Variants in ARFGEF3 observed in about 807,000 individuals in gnomAD.
ARFGEF3 encodes brefeldin A-inhibited guanine nucleotide-exchange protein 3.
Under a neutral mutation model 221.7 loss-of-function variants are expected in ARFGEF3, and 96 were observed. That is an observed-to-expected ratio of 0.43 (90% CI 0.37 to 0.51). ARFGEF3 has a LOEUF of 0.51. Among genes scored for constraint, ARFGEF3 ranks in the 20% least tolerant of loss-of-function variants. ARFGEF3 has a pLI of 0.00. For synonymous variants in ARFGEF3, 1,145 were observed against 1,126.8 expected (o/e 1.02, Z -0.32); for missense variants, 2,410 against 2,789.9 (o/e 0.86, Z 3.07).
chr6:138,206,981 A>G (rs1777635357), intron 2 of ARFGEF3, 61 bp from the exon 3 acceptor site: 2 of 1,363,758 alleles, frequency 1.5e-6, no homozygotes, highest in Non-Finnish European at 2.1e-6. Flanking sequence ...CATAAGGCTT[A>G]CATCACTTGA....
rs112810681 is a variant in ARFGEF3, at chr6:138,242,718, C to A, written c.544-234C>A. On this transcript the variant is annotated intron_variant, in intron 6 of 33. Transcript: ENST00000251691. ...CGCCAGAGTGTCCACACAAACGTGACTGAATTATTTTGGGAACTGATAAGC... is the reference window on the plus strand; with the variant it reads ...CGCCAGAGTGTCCACACAAACGTGAATGAATTATTTTGGGAACTGATAAGC... Among the ~76,000 whole-genome samples the A allele has an allele frequency of 3.5e-4, 54 of 152,236 alleles. 1 individual carries two copies. Among genetic ancestry groups the A allele is most frequent in the African/African-American group, 1.2e-3 (51 of 41,540 alleles).
intron 2 of ARFGEF3, among the ~76,000 whole-genome samples, chr6:138,174,471 A>T (rs1582994754): frequency 3.9e-5 from 1 of 25,784 alleles, no homozygotes; most frequent in East Asian, 5.0e-4. Context: ...GCATCTGCTA[A>T]AAAAAAAAAA....
chr6:138,175,937 A>G (rs1264561521), intron 2 of ARFGEF3, among the ~76,000 whole-genome samples: 1 of 152,164 alleles, frequency 6.6e-6, no homozygotes, highest in Admixed American at 6.5e-5. Flanking sequence ...AGTGTTGGGT[A>G]CATATATATT....
At chr6:138,232,585 C>A (rs1402390460) in intron 5 of ARFGEF3, among the ~76,000 whole-genome samples, 1 of 152,158 alleles carries the variant, frequency 6.6e-6, no homozygotes, top group African/African-American at 2.4e-5. Context: ...GTCTTTGATT[C>A]TGTAGCTTGC....
At chr6:138,279,888 A>G in intron 13 of ARFGEF3, 111 bp from the exon 14 acceptor site, 1 of 1,044,476 alleles carries the variant, frequency 9.6e-7, no homozygotes, top group Non-Finnish European at 1.4e-6. Context: ...CCAATACACA[A>G]GCCTTGGTTT....
intron 31 of ARFGEF3, among the ~76,000 whole-genome samples, chr6:138,326,378 T>G (rs1412297510): frequency 6.6e-6 from 1 of 151,894 alleles, no homozygotes; most frequent in Admixed American, 6.6e-5. Context: ...AGCCCAGGAG[T>G]GCAAGACCAG....
At chr6:138,189,840 G>T (rs541187399) in intron 2 of ARFGEF3, among the ~76,000 whole-genome samples, 2 of 152,222 alleles carry the variant, frequency 1.3e-5, no homozygotes, top group African/African-American at 4.8e-5. Context: ...AGCACTTTAG[G>T]AGGCCGAGGA....
chr6:138,169,837 A>G (rs968138467), intron 1 of ARFGEF3, among the ~76,000 whole-genome samples: 2 of 152,202 alleles, frequency 1.3e-5, no homozygotes. Flanking sequence ...AGTCTCTGAT[A>G]TATGTATATA....
At chr6:138,171,770 T>G (rs1009094847) in intron 2 of ARFGEF3, among the ~76,000 whole-genome samples, 2 of 152,214 alleles carry the variant, frequency 1.3e-5, no homozygotes, top group Non-Finnish European at 2.9e-5. Flanking sequence ...GCTTGATTTT[T>G]TTTTACTCAA....
chr6:138,200,651 T>C lies in ARFGEF3; in HGVS notation c.138-6391T>C, dbSNP rs570107265. Among the ~76,000 whole-genome samples the C allele has an allele frequency of 2.0e-5, 3 of 152,236 alleles. No individual in the cohort carries two copies. In the South Asian group the frequency reaches 6.2e-4, roughly 32 times the overall value. On this transcript the variant is annotated intron_variant, in intron 2 of 33. Transcript: ENST00000251691. ...AGGAGAATGAAACTGGATCCTCATC[T>C]CTCACCTTATACAAAAATCAACTCA...
At chr6:138,297,669 A>C (rs1035368928) in intron 21 of ARFGEF3, among the ~76,000 whole-genome samples, 1 of 152,232 alleles carries the variant, frequency 6.6e-6, no homozygotes, top group Non-Finnish European at 1.5e-5. Flanking sequence ...ATAGCAATGT[A>C]GTCATGGGGA....
chr6:138,243,720 A>G lies in ARFGEF3; in HGVS notation c.586+726A>G, dbSNP rs190886906. Among the ~76,000 whole-genome samples, 785 of 94,962 alleles carry G rather than the reference A, an allele frequency of 8.3e-3. 16 individuals are homozygous for G. The highest frequency in any genetic ancestry group is 0.018 in the East Asian group (35 of 1,976). The allele number at this position is 94,962 out of a possible 152,430, so 62.3% of individuals were successfully genotyped here. A position where few individuals can be genotyped will look rare whatever the true frequency, so the allele number is the denominator to read the frequency against. Reference sequence around the variant, plus strand: ...AAGGAGATGGAGGTGAGGAGGAGGGAAAAAAAAAGGGAGAGAATGAAAAGG... The same window carrying G: ...AAGGAGATGGAGGTGAGGAGGAGGGGAAAAAAAAGGGAGAGAATGAAAAGG... On this transcript the variant is annotated intron_variant, in intron 7 of 33. Coordinates refer to ENST00000251691, the MANE Select transcript of ARFGEF3 (RefSeq NM_020340.5).
chr6:138,321,024 A>T, intron 28 of ARFGEF3, 87 bp from the exon 29 acceptor site: 1 of 739,762 alleles, frequency 1.4e-6, no homozygotes, highest in Admixed American at 2.7e-5. Context: ...TATCATTCAG[A>T]CTTTCCTCTG....
intron 2 of ARFGEF3, among the ~76,000 whole-genome samples, chr6:138,195,448 C>T (rs1209949960): frequency 6.6e-6 from 1 of 152,200 alleles, no homozygotes; most frequent in East Asian, 1.9e-4. Context: ...CTCCCCCTCT[C>T]CTCTGCCTAT....
intron 4 of ARFGEF3, among the ~76,000 whole-genome samples, chr6:138,221,505 C>G (rs1293001544): frequency 6.6e-6 from 1 of 152,086 alleles, no homozygotes; most frequent in Non-Finnish European, 1.5e-5. Flanking sequence ...GGATTACAAC[C>G]TGGGGAAAAT....
intron 12 of ARFGEF3, among the ~76,000 whole-genome samples, chr6:138,267,153 T>C (rs921649646): frequency 6.6e-6 from 1 of 152,186 alleles, no homozygotes; most frequent in Non-Finnish European, 1.5e-5. Context: ...AGTAAAATTA[T>C]AGTCAGGGTC....
intron 2 of ARFGEF3, among the ~76,000 whole-genome samples, chr6:138,200,135 A>G (rs544815539): frequency 7.1e-4 from 108 of 152,314 alleles, no homozygotes; most frequent in African/African-American, 2.3e-3. Flanking sequence ...TGAGATGATC[A>G]TGTGATTTTT....
At position 138,337,913 on chromosome 6, in the gene ARFGEF3, T is replaced by G. The variant is rs1780360688; in HGVS notation, c.*1427T>G. ...CCCATTCATAATGAATAAGTCACCC[T>G]TTAAATATAAGACACAAATTCTACA... On this transcript the variant is annotated 3_prime_UTR_variant, in exon 34 of 34. Transcript: ENST00000251691. The G allele has an allele frequency of 6.6e-6, 1 of 152,208 alleles. No homozygotes were observed. Among genetic ancestry groups the G allele is most frequent in the South Asian group, 2.1e-4 (1 of 4,828 alleles). 9.4% of individuals were successfully genotyped at this position (152,208 alleles called of 1,614,324 possible).
At position 138,313,777 on chromosome 6, in the gene ARFGEF3, CTTTTTA is replaced by C. The variant is rs1386355907; in HGVS notation, c.4201-13_4201-8del. 2 of 1,607,242 alleles carry C rather than the reference CTTTTTA, an allele frequency of 1.2e-6. No homozygotes were observed. The highest frequency in any genetic ancestry group is 1.3e-5 in the African/African-American group (1 of 74,696). The stretch of plus-strand genomic sequence containing the variant: ...TTTCCAACATATAATTGCAGTTTGT[CTTTTTA>C]TTTTAATTTAGTTATTGGCCAAAAT... On this transcript the variant is annotated splice_polypyrimidine_tract_variant and intron_variant, in intron 25 of 33. Transcript: ENST00000251691.
Sources: gnomAD v4.1 joint callset for allele counts (sites outside exome capture counted in the v4.1 genomes callset) on GRCh38, gnomAD v4.1.1 for gene constraint, MANE v1.5 for transcripts, NCBI Gene and HGNC (gene_info 2026-07-23, HGNC 2026-07-21) for gene names.